The following CPNE4 variants were observed in gnomAD, a reference collection of about 807,000 sequenced individuals.
The protein encoded by CPNE4 is copine 4.
In CPNE4, 25 loss-of-function variants were observed where a neutral mutation model predicts 67.9. The observed-to-expected ratio is 0.37, with a 90% CI of 0.27 to 0.51. CPNE4 has a LOEUF of 0.51. CPNE4 is among the 20% of genes least tolerant of loss of function. CPNE4 has a pLI of 0.93. For synonymous variants in CPNE4, 242 were observed against 244.9 expected (o/e 0.99, Z 0.11); for missense variants, 464 against 690.8 (o/e 0.67, Z 3.68).
intron 6 of CPNE4, among the ~76,000 whole-genome samples, chr3:131,671,012 T>C (rs2080397339): frequency 6.6e-6 from 1 of 152,334 alleles, no homozygotes; most frequent in African/African-American, 2.4e-5. Flanking sequence ...GGTCTTGAAC[T>C]ACTGACCTCG....
chr3:131,579,516 C>A (rs185437015), intron 9 of CPNE4, among the ~76,000 whole-genome samples: 1 of 152,228 alleles, frequency 6.6e-6, no homozygotes, highest in Non-Finnish European at 1.5e-5. Context: ...GGTAGTTTTT[C>A]TGATAGATCT....
intron 10 of CPNE4, among the ~76,000 whole-genome samples, chr3:131,571,159 G>A (rs1193567861): frequency 6.6e-6 from 1 of 151,962 alleles, no homozygotes; most frequent in Non-Finnish European, 1.5e-5. Flanking sequence ...ATGCAAGATT[G>A]TTGCCCTTGA....
chr3:131,642,081 C>A (rs2079555401), intron 7 of CPNE4, among the ~76,000 whole-genome samples: 1 of 152,084 alleles, frequency 6.6e-6, no homozygotes, highest in Non-Finnish European at 1.5e-5. Flanking sequence ...ATGGTTGATG[C>A]ACCAAAATCT....
intron 6 of CPNE4, among the ~76,000 whole-genome samples, chr3:131,680,512 A>G (rs2080720382): frequency 6.6e-6 from 1 of 152,086 alleles, no homozygotes; most frequent in Non-Finnish European, 1.5e-5. Context: ...CTGTTTATAT[A>G]TTATTTTAAT....
At position 131,616,517 on chromosome 3, in the gene CPNE4, T is replaced by C. The variant is rs562527650; in HGVS notation, c.682-28935A>G. Among the ~76,000 whole-genome samples the C allele has an allele frequency of 5.3e-5, 8 of 152,286 alleles. No homozygotes were observed. The South Asian group carries it at 1.0e-3, about 20-fold the overall frequency. ...CCAAACTAGAGGTAACCCAAATTCC[T>C]CTGGATAAAAATAGCCTAAGCAACA... On this transcript the variant is annotated intron_variant, in intron 7 of 15. Transcript: ENST00000429747.
intron 7 of CPNE4, among the ~76,000 whole-genome samples, chr3:131,588,992 G>A (rs1938363034): frequency 6.6e-6 from 1 of 152,110 alleles, no homozygotes; most frequent in Non-Finnish European, 1.5e-5. Flanking sequence ...GGTCTTCCAA[G>A]GTCTTTCATG....
At chr3:131,981,775 C>T (rs942321263) in intron 1 of CPNE4, among the ~76,000 whole-genome samples, 2 of 152,164 alleles carry the variant, frequency 1.3e-5, no homozygotes, top group Non-Finnish European at 2.9e-5. Context: ...GCTTCCTCTA[C>T]CCCTGTATTT....
At chr3:131,671,250 A>G (rs942827771) in intron 6 of CPNE4, among the ~76,000 whole-genome samples, 2 of 152,206 alleles carry the variant, frequency 1.3e-5, no homozygotes, top group African/African-American at 4.8e-5. Context: ...TGACTTTGTC[A>G]TGTGTTCTAG....
At chr3:131,578,436 C>G (rs1413070263) in intron 9 of CPNE4, among the ~76,000 whole-genome samples, 1 of 152,078 alleles carries the variant, frequency 6.6e-6, no homozygotes, top group East Asian at 1.9e-4. Context: ...AGACACTACT[C>G]TATTGAAATG....
intron 7 of CPNE4, among the ~76,000 whole-genome samples, chr3:131,632,463 T>C (rs536797524): frequency 6.6e-5 from 10 of 152,316 alleles, no homozygotes; most frequent in African/African-American, 2.4e-4. Flanking sequence ...ACCACTCTGT[T>C]GAAATTACTC....
chr3:131,698,677 C>T (rs911387882), intron 4 of CPNE4, among the ~76,000 whole-genome samples: 1 of 150,452 alleles, frequency 6.6e-6, no homozygotes, highest in African/African-American at 2.4e-5. Context: ...TTTGGGAAGC[C>T]GAGGGGGGCG....
intron 1 of CPNE4, among the ~76,000 whole-genome samples, chr3:131,929,612 G>GATCTGCACA (rs2036981603): frequency 6.6e-6 from 1 of 151,682 alleles, no homozygotes; most frequent in African/African-American, 2.4e-5. Flanking sequence ...AGATCTGCAA[G>GATCTGCACA]GATCTGCCCC....
intron 9 of CPNE4, among the ~76,000 whole-genome samples, chr3:131,578,476 T>C (rs1937608216): frequency 6.6e-6 from 1 of 152,114 alleles, no homozygotes; most frequent in Non-Finnish European, 1.5e-5. Context: ...CAATGGCCTC[T>C]AAGTGTTCAA....
intron 1 of CPNE4, among the ~76,000 whole-genome samples, chr3:131,948,732 T>G (rs2071633336): frequency 6.6e-6 from 1 of 152,226 alleles, no homozygotes; most frequent in African/African-American, 2.4e-5. Context: ...GGTCACTTTT[T>G]TGGAAAAGCA....
At chr3:131,751,458 G>A (rs1583138818) in intron 2 of CPNE4, among the ~76,000 whole-genome samples, 2 of 151,784 alleles carry the variant, frequency 1.3e-5, no homozygotes, top group African/African-American at 4.8e-5. Context: ...TTTAATACCA[G>A]TTGTTGTATA....
rs968350567 is a variant in CPNE4 at position 131,990,663 on chromosome 3, G to C, written c.-2+43904C>G. On this transcript the variant is annotated intron_variant, in intron 1 of 15. Coordinates refer to ENST00000429747, the MANE Select transcript of CPNE4 (RefSeq NM_130808.3). ...TAAAATAAATACCTGATTTGGAACT[G>C]TATACTTCAAAAATTTATTGGAATA... 1.5e-5 allele frequency among the ~76,000 whole-genome samples: 2 copies of C among 136,130 alleles called. 1 individual carries two copies. The highest frequency in any genetic ancestry group is 5.1e-4 in the South Asian group (2 of 3,932). The allele number at this position is 136,130 out of a possible 152,430, so 89.3% of individuals were successfully genotyped here. A position where few individuals can be genotyped will look rare whatever the true frequency, so the allele number is the denominator to read the frequency against.
intron 2 of CPNE4, among the ~76,000 whole-genome samples, chr3:131,773,426 C>T (rs1474821976): frequency 6.6e-6 from 1 of 152,064 alleles, no homozygotes; most frequent in Admixed American, 6.6e-5. Context: ...CAGCTCACTT[C>T]ACACTCTGCC....
At position 131,581,515 on chromosome 3, in the gene CPNE4, C is replaced by G. The variant is rs370128228; in HGVS notation, c.867+64G>C. ...ATACTCTTTTCCTCTGACCACACCACCTGAACTCTTCCTCTCAGATAGCCC... is the reference window on the plus strand; with the variant it reads ...ATACTCTTTTCCTCTGACCACACCAGCTGAACTCTTCCTCTCAGATAGCCC... On this transcript the variant is annotated intron_variant, in intron 9 of 15. Transcript: ENST00000429747. 16 of 1,083,766 alleles carry G rather than the reference C, an allele frequency of 1.5e-5. No individual in the cohort carries two copies. The East Asian group carries it at 3.8e-4, about 26-fold the overall frequency. The allele number at this position is 1,083,766 out of a possible 1,614,324, so 67.1% of individuals were successfully genotyped here. A position where few individuals can be genotyped will look rare whatever the true frequency, so the allele number is the denominator to read the frequency against.
At chr3:131,896,348 C>A (rs564841771) in intron 2 of CPNE4, among the ~76,000 whole-genome samples, 1 of 152,110 alleles carries the variant, frequency 6.6e-6, no homozygotes, top group African/African-American at 2.4e-5. Flanking sequence ...CATAGCATCA[C>A]AACAAACACA....
Sources: allele counts gnomAD v4.1 joint callset (sites outside exome capture counted in the v4.1 genomes callset), GRCh38; gene constraint gnomAD v4.1.1; transcripts MANE v1.5; gene names NCBI Gene and HGNC (gene_info 2026-07-23, HGNC 2026-07-21).